Variants in TRAF3IP1 observed in about 807,000 individuals in gnomAD.
TRAF3IP1 encodes the protein intraflagellar transport 54.
TRAF3IP1 carries 53 observed loss-of-function variants against 89.9 expected under a neutral mutation model. The observed-to-expected ratio is 0.59, with a 90% CI of 0.47 to 0.74. The LOEUF is 0.74. Ranked by LOEUF, TRAF3IP1 falls within the 30% of genes least tolerant of loss-of-function variation. TRAF3IP1 has a pLI of 0.00. For missense variants in TRAF3IP1, 806 were observed against 866.1 expected (o/e 0.93, Z 0.87); for synonymous variants, 311 against 322.1 (o/e 0.97, Z 0.37).
At chr2:238,383,236 A>G (rs1700622913) in intron 15 of TRAF3IP1, among the ~76,000 whole-genome samples, 3 of 151,134 alleles carry the variant, frequency 2.0e-5, no homozygotes, top group Admixed American at 2.0e-4. Context: ...CCATTCCCCC[A>G]TCTCCTTGGT....
At position 238,393,490 on chromosome 2, in the gene TRAF3IP1, G is replaced by T. The variant is rs117828188; in HGVS notation, c.1690-3969G>T. Among the ~76,000 whole-genome samples, 101 of 152,116 alleles carry T rather than the reference G, an allele frequency of 6.6e-4. No individual in the cohort carries two copies. The East Asian group carries it at 0.019, about 29-fold the overall frequency. ...TGCTCATTCTGTGACTTACCTTTGC[G>T]GCTTCTTCCCAGGGTCTTTCGCAGA... On this transcript the variant is annotated intron_variant, in intron 15 of 16. Transcript: ENST00000373327.
chr2:238,366,186 C>T (rs1247087861), intron 15 of TRAF3IP1, among the ~76,000 whole-genome samples: 2 of 151,386 alleles, frequency 1.3e-5, no homozygotes, highest in Admixed American at 6.6e-5. Context: ...GAGCAGAGAT[C>T]GCGCGCGCCA....
Position 238,329,161 on chromosome 2 carries a change from G to T in TRAF3IP1, c.734G>T (p.Arg245Leu), listed in dbSNP as rs374590341. 2 of 1,555,054 alleles carry T rather than the reference G, an allele frequency of 1.3e-6. No homozygotes were observed. Among genetic ancestry groups the T allele is most frequent in the Non-Finnish European group, 8.7e-7 (1 of 1,152,152 alleles). Reference sequence around the variant, plus strand: ...AGGGAGCGGGACAGAGACTCCGAGCGCAAGAAGGAGACAGAGAGAAAGAGT... The same window carrying T: ...AGGGAGCGGGACAGAGACTCCGAGCTCAAGAAGGAGACAGAGAGAAAGAGT... The part of the protein sequence containing the change: ...GNRERDRDSE[R>L]KKETERKSEG... Residue 245 changes from arginine (R) to leucine (L), a missense_variant, in exon 5 of 17, where the codon CGC becomes CTC. This residue lies in a region of TRAF3IP1 where 732 missense variants were observed against 780.5 expected (regional missense o/e 0.94). Transcript: ENST00000373327.
At chr2:238,354,931 G>C (rs890722304) in intron 14 of TRAF3IP1, among the ~76,000 whole-genome samples, 1 of 151,840 alleles carries the variant, frequency 6.6e-6, no homozygotes, top group East Asian at 1.9e-4. Flanking sequence ...TTACAGGTGT[G>C]AGCCACCAAG....
chr2:238,343,184 C>T (rs1698736917), intron 8 of TRAF3IP1, among the ~76,000 whole-genome samples: 1 of 152,022 alleles, frequency 6.6e-6, no homozygotes, highest in African/African-American at 2.4e-5. Context: ...TTCCCGGGTC[C>T]AAGAGATTCT....
intron 15 of TRAF3IP1, among the ~76,000 whole-genome samples, chr2:238,366,892 G>A (rs1028538877): frequency 1.3e-5 from 2 of 151,932 alleles, no homozygotes; most frequent in East Asian, 1.9e-4. Flanking sequence ...GGCTGGGTGT[G>A]GTGGCTCACA....
At chr2:238,339,155 A>G (rs1698518895) in intron 8 of TRAF3IP1, among the ~76,000 whole-genome samples, 1 of 152,204 alleles carries the variant, frequency 6.6e-6, no homozygotes. Context: ...CGATCAGCAC[A>G]TCCTTCTCTC....
At chr2:238,336,453 T>C (rs1419541083) in intron 7 of TRAF3IP1, among the ~76,000 whole-genome samples, 1 of 152,144 alleles carries the variant, frequency 6.6e-6, no homozygotes, top group Non-Finnish European at 1.5e-5. Context: ...CCCAGAGGTG[T>C]GTGACACACT....
chr2:238,343,092 A>ATTT (rs201616700), intron 8 of TRAF3IP1, among the ~76,000 whole-genome samples: 18 of 142,652 alleles, frequency 1.3e-4, no homozygotes, highest in Admixed American at 3.5e-4. Flanking sequence ...TGGGCCCCCT[A>ATTT]TTTTTTTTTT....
chr2:238,374,091 C>T (rs919469384), intron 15 of TRAF3IP1, among the ~76,000 whole-genome samples: 1 of 152,200 alleles, frequency 6.6e-6, no homozygotes, highest in Non-Finnish European at 1.5e-5. Context: ...GACAATTTGA[C>T]TTCCTCATTT....
intron 7 of TRAF3IP1, 130 bp downstream of exon 7, chr2:238,334,165 C>T (rs1267612438): frequency 1.4e-6 from 1 of 708,398 alleles, no homozygotes; most frequent in East Asian, 2.8e-5. Flanking sequence ...TGGGAATGAA[C>T]AGCGTGTGGA....
At chr2:238,352,519 G>A (rs1393061054) in intron 12 of TRAF3IP1, among the ~76,000 whole-genome samples, 1 of 152,102 alleles carries the variant, frequency 6.6e-6, no homozygotes, top group Non-Finnish European at 1.5e-5. Flanking sequence ...TCTTTGTGCA[G>A]TAGAGGGCAT....
intron 15 of TRAF3IP1, among the ~76,000 whole-genome samples, chr2:238,390,583 A>G (rs1700952393): frequency 6.6e-6 from 1 of 152,192 alleles, no homozygotes; most frequent in Admixed American, 6.5e-5. Flanking sequence ...GTATCAGTGC[A>G]CAGGAAAAAG....
rs1559353553 is a variant in TRAF3IP1, at chr2:238,325,964, C to T, written c.348C>T (p.Leu116=). The change falls in exon 3 of 17, where the codon CTC becomes CTT. Residue 116 remains leucine, a synonymous_variant. Transcript: ENST00000373327. ...ELLQIIGKCC[L]NKLSSDDAVR... is the part of the protein sequence containing the mutation. ...TCCAGATAATTGGAAAATGCTGTCTCAACAAGGTACTACTGCTGTCCTGGC... is the reference window on the plus strand; with the variant it reads ...TCCAGATAATTGGAAAATGCTGTCTTAACAAGGTACTACTGCTGTCCTGGC... The T allele has an allele frequency of 6.2e-7, 1 of 1,612,400 alleles. No homozygotes were observed. The highest frequency in any genetic ancestry group is 1.7e-5 in the Admixed American group (1 of 59,598).
intron 1 of TRAF3IP1, 134 bp from the exon 2 acceptor site, chr2:238,325,172 T>TA (rs773565127): frequency 3.5e-6 from 3 of 866,968 alleles, no homozygotes; most frequent in Non-Finnish European, 5.7e-6. Flanking sequence ...AGACATCAAA[T>TA]ATTTCTTAAG....
Position 238,345,653 on chromosome 2 carries a change from T to C in TRAF3IP1, c.1261+1055T>C, listed in dbSNP as rs1698857970. Among the ~76,000 whole-genome samples, 1 of 152,002 alleles carries C rather than the reference T, an allele frequency of 6.6e-6. No individual in the cohort carries two copies. The highest frequency in any genetic ancestry group is 2.4e-5 in the African/African-American group (1 of 41,378). On this transcript the variant is annotated intron_variant, in intron 9 of 16. Coordinates refer to ENST00000373327, the MANE Select transcript of TRAF3IP1 (RefSeq NM_015650.4). The surrounding 1 kb of genome is among the most constrained non-coding windows in gnomAD (Gnocchi z 4.7). ...AGAGAAGAGAGAGAGGCCTGGACTG[T>C]GGAGGCGCCCTGGGAGGGGAGAAGT...
intron 15 of TRAF3IP1, 111 bp from the exon 16 acceptor site, chr2:238,397,348 T>G: frequency 2.3e-6 from 2 of 882,708 alleles, no homozygotes; most frequent in Non-Finnish European, 3.6e-6. Context: ...CAGCACTGTC[T>G]CTGCCTGCGC....
At chr2:238,386,331 G>A (rs568091850) in intron 15 of TRAF3IP1, among the ~76,000 whole-genome samples, 64 of 151,966 alleles carry the variant, frequency 4.2e-4, no homozygotes, top group African/African-American at 1.2e-3. Flanking sequence ...TTTTATTTTT[G>A]TGACAGAGTC....
chr2:238,341,934 G>A (rs1248440928), intron 8 of TRAF3IP1, among the ~76,000 whole-genome samples: 1 of 151,968 alleles, frequency 6.6e-6, no homozygotes, highest in African/African-American at 2.4e-5. Context: ...AAAACAGATT[G>A]TGCTTATGCT....
Sources: gnomAD v4.1 joint callset for allele counts (sites outside exome capture counted in the v4.1 genomes callset) on GRCh38, gnomAD v4.1.1 for gene constraint, gnomAD v4.1.1 regional missense constraint, Gnocchi (gnomAD v3.1) non-coding constraint, MANE v1.5 for transcripts, NCBI Gene and HGNC (gene_info 2026-07-23, HGNC 2026-07-21) for gene names.